ANKMY2: variants seen among roughly 807,000 people sequenced by gnomAD.
ANKMY2 encodes the protein ankyrin repeat and MYND domain containing 2.
In ANKMY2, 36 loss-of-function variants were observed where a neutral mutation model predicts 50.4. The ratio of observed to expected loss-of-function variants is 0.71; its 90% CI spans 0.55 to 0.94. The LOEUF is 0.94. Ranked by LOEUF, ANKMY2 falls within the 40% of genes least tolerant of loss-of-function variation. ANKMY2 has a pLI of 0.00. For missense variants in ANKMY2, 565 were observed against 524.0 expected, an observed-to-expected ratio of 1.08 and a Z score of -0.76; for synonymous variants, 187 against 178.8, an observed-to-expected ratio of 1.05 and a Z score of -0.36.
In ANKMY2 at chr7:16,600,736, T is replaced by C. The variant is rs771644932; in HGVS notation, c.*25A>G. 4 of 1,583,422 alleles carry C rather than the reference T, an allele frequency of 2.5e-6. No homozygotes were observed. In the African/African-American group the frequency reaches 4.1e-5, roughly 16 times the overall value. On this transcript the variant is annotated 3_prime_UTR_variant, in exon 10 of 10. Transcript: ENST00000306999. ...CCAGCTTCTTGCAGGGTGAGGATCA[T>C]CCACACTGGCACTTGCTCTGGCTTT...
intron 2 of ANKMY2, among the ~76,000 whole-genome samples, chr7:16,629,341 G>C (rs1314726617): frequency 6.6e-6 from 1 of 152,150 alleles, no homozygotes; most frequent in Admixed American, 6.5e-5. Flanking sequence ...TTCAAGACCA[G>C]CCTGGCCAAC....
intron 2 of ANKMY2, among the ~76,000 whole-genome samples, chr7:16,633,722 T>A (rs1309140898): frequency 6.6e-6 from 1 of 152,184 alleles, no homozygotes; most frequent in East Asian, 1.9e-4. Flanking sequence ...AAAGAAGATA[T>A]ACTATTTTTT....
chr7:16,625,842 A>G (rs1781499295), intron 3 of ANKMY2, among the ~76,000 whole-genome samples: 2 of 152,014 alleles, frequency 1.3e-5, no homozygotes, highest in Non-Finnish European at 2.9e-5. Context: ...AAAAAATAAA[A>G]TTTATTGTTC....
chr7:16,645,425 C>A (rs919769708), intron 1 of ANKMY2, 82 bp downstream of exon 1: 14 of 1,380,438 alleles, frequency 1.0e-5, no homozygotes, highest in Middle Eastern at 2.4e-4. Context: ...CCAAAGGTCA[C>A]CCAGGCCAGG....
chr7:16,644,724 C>T (rs1781800699), intron 1 of ANKMY2: 2 of 470,964 alleles, frequency 4.2e-6, no homozygotes, highest in Non-Finnish European at 8.8e-6. Context: ...TCCTCTGGGA[C>T]GTCCACTCGG....
intron 2 of ANKMY2, among the ~76,000 whole-genome samples, chr7:16,634,126 T>C (rs558240948): frequency 1.6e-3 from 249 of 152,336 alleles, no homozygotes; most frequent in Non-Finnish European, 2.7e-3. Flanking sequence ...CTGTGCTATA[T>C]AATATAGTAG....
At chr7:16,634,312 A>G (rs1280081670) in intron 2 of ANKMY2, among the ~76,000 whole-genome samples, 1 of 152,200 alleles carries the variant, frequency 6.6e-6, no homozygotes, top group Non-Finnish European at 1.5e-5. Context: ...TTAGGCAATA[A>G]AACACATGAT....
At chr7:16,629,640 C>A (rs1378991193) in intron 2 of ANKMY2, among the ~76,000 whole-genome samples, 1 of 151,834 alleles carries the variant, frequency 6.6e-6, no homozygotes, top group Non-Finnish European at 1.5e-5. Flanking sequence ...TTTTCAGATA[C>A]CAAATTTAAG....
intron 4 of ANKMY2, among the ~76,000 whole-genome samples, chr7:16,618,652 T>C (rs950766745): frequency 2.0e-5 from 3 of 152,058 alleles, no homozygotes; most frequent in African/African-American, 7.2e-5. Flanking sequence ...ACAGTAGCAG[T>C]CTATATTAAA....
intron 7 of ANKMY2, among the ~76,000 whole-genome samples, chr7:16,608,525 A>G (rs1194212795): frequency 2.0e-5 from 3 of 152,172 alleles, no homozygotes; most frequent in Non-Finnish European, 2.9e-5. Context: ...TGAGAATGAC[A>G]TAACAACCCA....
chr7:16,634,646 G>A (rs563031780), intron 2 of ANKMY2, among the ~76,000 whole-genome samples: 40 of 152,284 alleles, frequency 2.6e-4, no homozygotes, highest in African/African-American at 7.5e-4. Flanking sequence ...AGCATTACAA[G>A]GAATAGCATC....
chr7:16,607,217 T>C (rs1781175127), intron 7 of ANKMY2, among the ~76,000 whole-genome samples: 1 of 152,170 alleles, frequency 6.6e-6, no homozygotes, highest in Non-Finnish European at 1.5e-5. Flanking sequence ...AATACTATCT[T>C]AACTTTATTA....
At chr7:16,632,883 C>T (rs1212994179) in intron 2 of ANKMY2, among the ~76,000 whole-genome samples, 1 of 152,188 alleles carries the variant, frequency 6.6e-6, no homozygotes, top group Non-Finnish European at 1.5e-5. Context: ...TGTATGAGGG[C>T]TCCAATTTCT....
intron 1 of ANKMY2, 112 bp downstream of exon 1, chr7:16,645,395 C>T (rs1456584117): frequency 3.6e-6 from 4 of 1,097,512 alleles, no homozygotes; most frequent in East Asian, 2.8e-5. Context: ...TTCCAGGCTG[C>T]AAACCTTGCA....
intron 4 of ANKMY2, among the ~76,000 whole-genome samples, chr7:16,618,311 G>A (rs189897931): frequency 2.0e-4 from 30 of 152,212 alleles, no homozygotes; most frequent in South Asian, 6.2e-4. Flanking sequence ...AAAAAAGATC[G>A]AGTGGATGAA....
rs143507572 is a variant in ANKMY2, at chr7:16,642,107, C to T, written c.67+3400G>A. 9.2e-3 allele frequency among the ~76,000 whole-genome samples: 1,392 copies of T among 151,584 alleles called. 25 individuals are homozygous for T. The highest frequency in any genetic ancestry group is 0.032 in the African/African-American group (1,331 of 41,270). On this transcript the variant is annotated intron_variant, in intron 1 of 9. Transcript: ENST00000306999. The stretch of plus-strand genomic sequence containing the variant: ...ATTATCCAAACTTGTTTCATAGCTC[C>T]TTTACACAGATATGAAAAAAAAAAA...
chr7:16,639,970 G>A (rs1032099335), intron 1 of ANKMY2, among the ~76,000 whole-genome samples: 3 of 151,822 alleles, frequency 2.0e-5, no homozygotes, highest in African/African-American at 4.8e-5. Context: ...GACCAGCCTG[G>A]CCAACATGGT....
At position 16,635,761 on chromosome 7, in the gene ANKMY2, T is replaced by C. The variant is rs558255665; in HGVS notation, c.132+630A>G. Among the ~76,000 whole-genome samples, 9 of 152,294 alleles carry C rather than the reference T, an allele frequency of 5.9e-5. No individual in the cohort carries two copies. In the South Asian group the frequency reaches 1.9e-3, roughly 32 times the overall value. ...ATCAAATAATATACTCAGTTAAAAT[T>C]GATACATATTCCAAAATTTTCTACA... On this transcript the variant is annotated intron_variant, in intron 2 of 9. Coordinates refer to ENST00000306999, the MANE Select transcript of ANKMY2 (RefSeq NM_020319.3).
intron 4 of ANKMY2, among the ~76,000 whole-genome samples, chr7:16,621,346 G>T (rs1165922637): frequency 6.6e-6 from 1 of 152,160 alleles, no homozygotes; most frequent in African/African-American, 2.4e-5. Flanking sequence ...AGTGTACTGT[G>T]TAATTGGATG....
Sources: gnomAD v4.1 joint callset for allele counts (sites outside exome capture counted in the v4.1 genomes callset) on GRCh38, gnomAD v4.1.1 for gene constraint, MANE v1.5 for transcripts, NCBI Gene and HGNC (gene_info 2026-07-23, HGNC 2026-07-21) for gene names.